The following ABLIM1 variants were observed in gnomAD, a reference collection of about 807,000 sequenced individuals.
The protein encoded by ABLIM1 is actin binding LIM protein 1.
Under a neutral mutation model 107.0 loss-of-function variants are expected in ABLIM1, and 40 were observed. The ratio of observed to expected loss-of-function variants is 0.37; its 90% CI spans 0.29 to 0.49. The LOEUF (loss-of-function observed/expected upper bound fraction) is 0.49, where lower values mean the gene tolerates loss of function less well. Among genes scored for constraint, ABLIM1 ranks in the 20% least tolerant of loss-of-function variants. The pLI, the probability that ABLIM1 is intolerant of heterozygous loss-of-function variation, is 0.97. For missense variants in ABLIM1, 857 were observed against 1,008.5 expected (o/e 0.85, Z 2.04); for synonymous variants, 357 against 357.3 (o/e 1.00, Z 0.01).
At chr10:114,568,157 T>G (rs2138640346) in intron 4 of ABLIM1, among the ~76,000 whole-genome samples, 1 of 124,834 alleles carries the variant, frequency 8.0e-6, no homozygotes, top group Non-Finnish European at 1.6e-5. Flanking sequence ...GCCACTGCAG[T>G]CCGCAGTCCA....
intron 15 of ABLIM1, among the ~76,000 whole-genome samples, chr10:114,447,206 ATATAG>A (rs1487652900): frequency 4.6e-5 from 7 of 152,332 alleles, no homozygotes; most frequent in Admixed American, 2.0e-4. Flanking sequence ...ACTACTGATA[ATATAG>A]TAAAGACACA....
chr10:114,692,751 G>A (rs1259902892), intron 1 of ABLIM1, among the ~76,000 whole-genome samples: 9 of 152,118 alleles, frequency 5.9e-5, no homozygotes, highest in African/African-American at 1.4e-4. Context: ...TTAGCCGGGC[G>A]TGGTGGCGGG....
At chr10:114,533,770 G>A (rs934655048) in intron 6 of ABLIM1, among the ~76,000 whole-genome samples, 5 of 152,090 alleles carry the variant, frequency 3.3e-5, no homozygotes, top group Non-Finnish European at 5.9e-5. Context: ...TCGAACACCT[G>A]GGCTCTAGCA....
At chr10:114,548,219 T>G (rs1166728184) in intron 4 of ABLIM1, among the ~76,000 whole-genome samples, 2 of 152,234 alleles carry the variant, frequency 1.3e-5, no homozygotes, top group Non-Finnish European at 2.9e-5. Flanking sequence ...TCCTGGAGGC[T>G]GCCCGTAAAT....
intron 2 of ABLIM1, among the ~76,000 whole-genome samples, chr10:114,578,764 TTTTC>T (rs769267781): frequency 1.7e-4 from 25 of 149,182 alleles, no homozygotes; most frequent in Non-Finnish European, 2.5e-4. Flanking sequence ...AGGTGTTTCT[TTTTC>T]TTTCTTTCTT....
chr10:114,599,100 C>T (rs1448800492), intron 2 of ABLIM1, among the ~76,000 whole-genome samples: 1 of 152,104 alleles, frequency 6.6e-6, no homozygotes, highest in Non-Finnish European at 1.5e-5. Context: ...AATGTTGGGA[C>T]ACAAGATAGT....
chr10:114,655,488 T>C (rs1224097989), intron 1 of ABLIM1, among the ~76,000 whole-genome samples: 1 of 152,206 alleles, frequency 6.6e-6, no homozygotes, highest in Non-Finnish European at 1.5e-5. Flanking sequence ...CTGATTTGAG[T>C]CTGTTTGAGT....
At chr10:114,478,842 A>G (rs1365404772) in intron 8 of ABLIM1, among the ~76,000 whole-genome samples, 1 of 152,026 alleles carries the variant, frequency 6.6e-6, no homozygotes, top group East Asian at 1.9e-4. Flanking sequence ...TTATGGTAAA[A>G]TTTACTTCCA....
rs1250768913 is a variant in ABLIM1, at chr10:114,619,647, C to G, written c.245-17686G>C. The stretch of plus-strand genomic sequence containing the variant: ...CCTGGTCCTGATCTTGCTCCTCCCT[C>G]CCTGGCTGTGATACAAAAGCAAGGA... On this transcript the variant is annotated intron_variant, in intron 1 of 22. Coordinates refer to ENST00000533213, the MANE Select transcript of ABLIM1 (RefSeq NM_002313.7). This position sits in a 1 kb window ranked among gnomAD's most constrained non-coding sequence, Gnocchi z 4.1. Among the ~76,000 whole-genome samples, 1 of 152,184 alleles carries G rather than the reference C, an allele frequency of 6.6e-6. No homozygotes were observed. Among genetic ancestry groups the G allele is most frequent in the African/African-American group, 2.4e-5 (1 of 41,446 alleles).
intron 6 of ABLIM1, among the ~76,000 whole-genome samples, chr10:114,537,229 G>C (rs535991403): frequency 1.3e-5 from 2 of 152,074 alleles, no homozygotes; most frequent in African/African-American, 4.8e-5. Context: ...TCTGAGAATT[G>C]AAAGAGACCT....
At chr10:114,588,463 T>C (rs2074428395) in intron 2 of ABLIM1, among the ~76,000 whole-genome samples, 1 of 150,550 alleles carries the variant, frequency 6.6e-6, no homozygotes, top group African/African-American at 2.4e-5. Flanking sequence ...TGAAATACTC[T>C]CCTTTTTTTC....
At chr10:114,496,242 C>A (rs750875022) in intron 6 of ABLIM1, among the ~76,000 whole-genome samples, 1 of 152,122 alleles carries the variant, frequency 6.6e-6, no homozygotes, top group African/African-American at 2.4e-5. Context: ...ACATCAAGGC[C>A]CCATGTGGCA....
chr10:114,544,499 G>T (rs564073110), intron 6 of ABLIM1, among the ~76,000 whole-genome samples: 1 of 152,304 alleles, frequency 6.6e-6, no homozygotes, highest in Non-Finnish European at 1.5e-5. Context: ...GCTCAGCCCC[G>T]GCCACAGGGT....
intron 1 of ABLIM1, among the ~76,000 whole-genome samples, chr10:114,719,578 G>A (rs78981055): frequency 0.035 from 5,360 of 152,254 alleles, 308 homozygotes; most frequent in African/African-American, 0.12. Context: ...ACACTATACA[G>A]TTCTAGATAT....
chr10:114,613,648 T>A (rs552582392), intron 1 of ABLIM1: 1 of 1,320,006 alleles, frequency 7.6e-7, no homozygotes, highest in Non-Finnish European at 1.0e-6. Flanking sequence ...GACACAAACC[T>A]GCCCTCACCT....
Position 114,465,878 on chromosome 10 carries a change from C to T in ABLIM1, c.1312-51G>A, listed in dbSNP as rs758902063. 63 of 1,587,184 alleles carry T rather than the reference C, an allele frequency of 4.0e-5. 1 individual carries two copies. Among genetic ancestry groups the T allele is most frequent in the Non-Finnish European group, 5.3e-5 (62 of 1,159,446 alleles). On this transcript the variant is annotated intron_variant, in intron 11 of 22. Coordinates refer to ENST00000533213, the MANE Select transcript of ABLIM1 (RefSeq NM_002313.7). ...GGCTATCACCATGCCTCAGTAGGAA[C>T]CACGCTTCACAAACACTGCCAAGGA...
chr10:114,622,856 T>C (rs746801683), intron 1 of ABLIM1, among the ~76,000 whole-genome samples: 1 of 152,216 alleles, frequency 6.6e-6, no homozygotes, highest in Non-Finnish European at 1.5e-5. Context: ...TGTACAGTGG[T>C]AGTAAATGAA....
chr10:114,718,043 G>GAAAGAAAGAA (rs769566850), intron 1 of ABLIM1, among the ~76,000 whole-genome samples: 1 of 77,106 alleles, frequency 1.3e-5, no homozygotes, highest in East Asian at 3.5e-4. Flanking sequence ...GAAAGAGAAA[G>GAAAGAAAGAA]AGAAAGAAAG....
chr10:114,533,212 G>A (rs913319123), intron 6 of ABLIM1, among the ~76,000 whole-genome samples: 10 of 151,988 alleles, frequency 6.6e-5, no homozygotes, highest in Non-Finnish European at 1.0e-4. Flanking sequence ...GTGGTGGTAC[G>A]CGCCTGTAAT....
Sources: gnomAD v4.1 joint callset for allele counts (sites outside exome capture counted in the v4.1 genomes callset) on GRCh38, gnomAD v4.1.1 for gene constraint, Gnocchi (gnomAD v3.1) non-coding constraint, MANE v1.5 for transcripts, NCBI Gene and HGNC (gene_info 2026-07-23, HGNC 2026-07-21) for gene names.